Variants in CELF2 observed in about 807,000 individuals in gnomAD.
CELF2 encodes CUGBP Elav-like family member 2, also known as CUG triplet repeat RNA-binding protein 2.
CELF2 carries 8 observed loss-of-function variants against 62.6 expected under a neutral mutation model. That is an observed-to-expected ratio of 0.13 (90% CI 0.07 to 0.23). CELF2 has a LOEUF of 0.23. Among genes scored for constraint, CELF2 ranks in the 10% least tolerant of loss-of-function variants. The pLI is 1.00. For missense variants in CELF2, 333 were observed against 671.0 expected (o/e 0.50, Z 5.56); for synonymous variants, 258 against 250.0 (o/e 1.03, Z -0.30).
chr10:10,902,935 GA>G (rs1484235284), intron 1 of CELF2, among the ~76,000 whole-genome samples: 3 of 133,382 alleles, frequency 2.2e-5, no homozygotes, highest in African/African-American at 2.8e-5. Flanking sequence ...GGAAAAGCGG[GA>G]GGAAGGAAGG....
chr10:10,586,069 T>C, the CELF2 span, among the ~76,000 whole-genome samples: 1 of 152,182 alleles, frequency 6.6e-6, no homozygotes, highest in East Asian at 1.9e-4. Context: ...AGAAGAGAAG[T>C]GGATGCTAAT....
chr10:11,178,016 C>T lies in CELF2; in HGVS notation c.271+12334C>T, dbSNP rs2071858719. 6.6e-6 allele frequency among the ~76,000 whole-genome samples: 1 copy of T among 152,186 alleles called. No homozygotes were observed. Among genetic ancestry groups the T allele is most frequent in the South Asian group, 2.1e-4 (1 of 4,826 alleles). On this transcript the variant is annotated intron_variant, in intron 2 of 12. Coordinates refer to ENST00000633077, the MANE Select transcript of CELF2 (RefSeq NM_001326342.2). The surrounding 1 kb of genome is among the most constrained non-coding windows in gnomAD (Gnocchi z 4.3). ...CTGCCTGGTAGGATAAAGGAGACGA[C>T]ATCTGAAAAGAGGGTTTCAGGTGTT... is the stretch of plus-strand genomic sequence containing the variant.
At position 10,990,192 on chromosome 10, in the gene CELF2, TG is replaced by T. The variant is rs199751546; in HGVS notation, c.89+70196del. On this transcript the variant is annotated intron_variant, in intron 2 of 13. Coordinates refer to the CELF2 transcript ENST00000636488. This position sits in a 1 kb window ranked among gnomAD's most constrained non-coding sequence, Gnocchi z 4.6. ...CTTAGAGGAATGGTTAAATAAATTA[TG>T]GGATATTTGTAAAATGAAATAATAT... is the stretch of plus-strand genomic sequence containing the variant. Among the ~76,000 whole-genome samples, 11,468 of 152,180 alleles carry T rather than the reference TG, an allele frequency of 0.075. 1,475 individuals carry two copies. Among genetic ancestry groups the T allele is most frequent in the African/African-American group, 0.26 (10,828 of 41,478 alleles).
intron 1 of CELF2, among the ~76,000 whole-genome samples, chr10:10,827,699 AG>A (rs899180978): frequency 6.6e-6 from 1 of 152,176 alleles, no homozygotes; most frequent in Non-Finnish European, 1.5e-5. Context: ...ACTTCTTAAA[AG>A]TACTTGTGTG....
chr10:11,190,259 T>C (rs185480861), intron 2 of CELF2, among the ~76,000 whole-genome samples: 127 of 152,318 alleles, frequency 8.3e-4, no homozygotes, highest in South Asian at 3.7e-3. Flanking sequence ...ACATGCCCAT[T>C]CAGTACACAT....
chr10:11,262,940 C>CTTTTTTTATTTTTTTTTTTTTTTT (rs2081124065), intron 5 of CELF2, among the ~76,000 whole-genome samples: 1 of 52,766 alleles, frequency 1.9e-5, no homozygotes, highest in Non-Finnish European at 3.3e-5. Context: ...AGTGGCTTTA[C>CTTTTTTTATTTTTTTTTTTTTTTT]TTTTTTTTTT....
intron 1 of CELF2, among the ~76,000 whole-genome samples, chr10:10,862,759 G>A (rs1172206373): frequency 6.6e-6 from 1 of 152,162 alleles, no homozygotes; most frequent in Non-Finnish European, 1.5e-5. Context: ...ATTTTCAAAT[G>A]CAGAAAAGCA....
chr10:10,499,344 G>A, the CELF2 span, among the ~76,000 whole-genome samples: 3 of 152,038 alleles, frequency 2.0e-5, no homozygotes, highest in Admixed American at 6.6e-5. Context: ...GGGATTACAG[G>A]CCACCATGCC....
In CELF2 at chr10:11,162,835, C is replaced by T. The variant is rs544097373; in HGVS notation, c.75-2651C>T. Among the ~76,000 whole-genome samples the T allele has an allele frequency of 3.8e-4, 58 of 152,184 alleles. 1 individual carries two copies. In the South Asian group the frequency reaches 0.012, roughly 31 times the overall value. On this transcript the variant is annotated intron_variant, in intron 1 of 12. Coordinates refer to ENST00000633077, the MANE Select transcript of CELF2 (RefSeq NM_001326342.2). ...ACACTGAGAGAGCCCTTATTTTGTG[C>T]CATGTCTTGTATTAAGCACATGAGT...
intron 1 of CELF2, among the ~76,000 whole-genome samples, chr10:11,041,016 A>G (rs1026008540): frequency 6.6e-6 from 1 of 152,166 alleles, no homozygotes; most frequent in African/African-American, 2.4e-5. Flanking sequence ...TTATTTCTCA[A>G]GGTTTTGGAG....
At chr10:10,550,983 C>T in the CELF2 span, among the ~76,000 whole-genome samples, 2 of 152,220 alleles carry the variant, frequency 1.3e-5, no homozygotes, top group Admixed American at 1.3e-4. Context: ...CAGGCATGAG[C>T]CACCACGCCC....
chr10:10,472,137 T>G, the CELF2 span, among the ~76,000 whole-genome samples: 1 of 151,864 alleles, frequency 6.6e-6, no homozygotes, highest in African/African-American at 2.4e-5. Context: ...TTAAATGTTC[T>G]ATGCCAAATT....
chr10:11,071,573 A>AT (rs1219576130), intron 1 of CELF2: 9 of 152,276 alleles, frequency 5.9e-5, no homozygotes, highest in African/African-American at 1.9e-4. Flanking sequence ...TTTGGGGCTT[A>AT]TTTTTATTGC....
At chr10:10,482,085 C>T in the CELF2 span, among the ~76,000 whole-genome samples, 3 of 152,152 alleles carry the variant, frequency 2.0e-5, no homozygotes, top group Non-Finnish European at 1.5e-5. Context: ...TTGATTTGCA[C>T]ATACACTCTG....
intron 1 of CELF2, among the ~76,000 whole-genome samples, chr10:10,862,622 T>C (rs1162185928): frequency 6.6e-6 from 1 of 152,196 alleles, no homozygotes; most frequent in Non-Finnish European, 1.5e-5. Context: ...AAGTGTGTCA[T>C]TACGGTCAGC....
At chr10:10,924,281 C>CAAAAAAAAAAAAAAAAAAAAA in intron 2 of CELF2, among the ~76,000 whole-genome samples, 1 of 45,092 alleles carries the variant, frequency 2.2e-5, no homozygotes, top group Non-Finnish European at 4.0e-5. Context: ...GACTCCGTCC[C>CAAAAAAAAAAAAAAAAAAAAA]AAAAAAAAAA....
At chr10:10,694,397 T>C in the CELF2 span, among the ~76,000 whole-genome samples, 1 of 151,566 alleles carries the variant, frequency 6.6e-6, no homozygotes, top group Non-Finnish European at 1.5e-5. Context: ...TAATTTCTGT[T>C]CTTTTACATT....
the CELF2 span, among the ~76,000 whole-genome samples, chr10:10,657,742 C>A: frequency 6.6e-6 from 1 of 152,048 alleles, no homozygotes; most frequent in African/African-American, 2.4e-5. Context: ...CAGGAGCATC[C>A]CACAAGGTTT....
chr10:10,716,966 T>A, the CELF2 span, among the ~76,000 whole-genome samples: 2 of 152,138 alleles, frequency 1.3e-5, no homozygotes, highest in African/African-American at 4.8e-5. Context: ...AGCCCAGATA[T>A]CTAACAGTTA....
Sources: gnomAD v4.1 joint callset for allele counts (sites outside exome capture counted in the v4.1 genomes callset) on GRCh38, gnomAD v4.1.1 for gene constraint, Gnocchi (gnomAD v3.1) non-coding constraint, MANE v1.5 for transcripts, NCBI Gene and HGNC (gene_info 2026-07-23, HGNC 2026-07-21) for gene names.